The following AFG2A variants were observed in gnomAD, a reference collection of about 807,000 sequenced individuals.
AFG2A encodes ATPase family gene 2 protein homolog A.
At chr4:123,103,864 A>C in the AFG2A span, among the ~76,000 whole-genome samples, 1 of 152,180 alleles carries the variant, frequency 6.6e-6, no homozygotes. Flanking sequence ...TTTCAAAAGC[A>C]TTATGCTAAG....
chr4:122,950,386 C>A, the AFG2A span, among the ~76,000 whole-genome samples: 1,829 of 149,976 alleles, frequency 0.012, 42 homozygotes, highest in African/African-American at 0.042. Flanking sequence ...GTTGCCCAGA[C>A]TGGAGCGCAA....
At chr4:122,993,957 T>TA in the AFG2A span, among the ~76,000 whole-genome samples, 1 of 152,124 alleles carries the variant, frequency 6.6e-6, no homozygotes, top group Non-Finnish European at 1.5e-5. Flanking sequence ...TTTATATCCT[T>TA]AGTACTTAGC....
the AFG2A span, among the ~76,000 whole-genome samples, chr4:123,154,986 T>TCCCTC: frequency 6.6e-6 from 1 of 152,134 alleles, no homozygotes. Flanking sequence ...CCTCTTTTCT[T>TCCCTC]CCCTCCCTCT....
chr4:123,067,498 C>G, the AFG2A span, among the ~76,000 whole-genome samples: 1 of 151,526 alleles, frequency 6.6e-6, no homozygotes, highest in Non-Finnish European at 1.5e-5. Flanking sequence ...GCCTGGGCAA[C>G]GGGGCGAGAC....
chr4:123,026,765 G>A, the AFG2A span, among the ~76,000 whole-genome samples: 1 of 152,104 alleles, frequency 6.6e-6, no homozygotes, highest in Non-Finnish European at 1.5e-5. Flanking sequence ...AAGAAATTAA[G>A]GATAGAGAAT....
At chr4:123,303,395 T>A in the AFG2A span, among the ~76,000 whole-genome samples, 1 of 152,150 alleles carries the variant, frequency 6.6e-6, no homozygotes, top group Non-Finnish European at 1.5e-5. Flanking sequence ...AAGGAAAAAC[T>A]AGGCTTCACC....
At chr4:123,232,122 A>C in the AFG2A span, among the ~76,000 whole-genome samples, 21 of 152,136 alleles carry the variant, frequency 1.4e-4, 1 homozygote, top group South Asian at 4.1e-3. Context: ...AATTTACAAT[A>C]TAATACATTG....
the AFG2A span, among the ~76,000 whole-genome samples, chr4:123,301,121 A>G: frequency 6.6e-6 from 1 of 152,144 alleles, no homozygotes; most frequent in African/African-American, 2.4e-5. Flanking sequence ...GACTATAATG[A>G]AAGTTTTGAA....
At chr4:123,046,639 G>C in the AFG2A span, among the ~76,000 whole-genome samples, 1 of 152,082 alleles carries the variant, frequency 6.6e-6, no homozygotes, top group South Asian at 2.1e-4. Context: ...TCTTGGTTTC[G>C]GGAACATTAC....
At chr4:123,220,132 G>A in the AFG2A span, among the ~76,000 whole-genome samples, 1 of 152,060 alleles carries the variant, frequency 6.6e-6, no homozygotes, top group African/African-American at 2.4e-5. Flanking sequence ...GCCTCCCAAG[G>A]TGCTGGGATT....
the AFG2A span, among the ~76,000 whole-genome samples, chr4:123,214,706 A>G: frequency 6.6e-6 from 1 of 152,070 alleles, no homozygotes; most frequent in Non-Finnish European, 1.5e-5. Context: ...AAACCTACAC[A>G]CACAAACACT....
chr4:122,957,814 C>A, the AFG2A span, among the ~76,000 whole-genome samples: 2 of 152,024 alleles, frequency 1.3e-5, no homozygotes, highest in Non-Finnish European at 2.9e-5. Flanking sequence ...CTTAGAATTA[C>A]CCAGAAAGTT....
the AFG2A span, among the ~76,000 whole-genome samples, chr4:123,155,688 G>A: frequency 6.6e-6 from 1 of 152,104 alleles, no homozygotes; most frequent in Non-Finnish European, 1.5e-5. Flanking sequence ...ATGATTTAAA[G>A]TATACAAGAG....
chr4:123,253,245 G>A, the AFG2A span, among the ~76,000 whole-genome samples: 1 of 152,180 alleles, frequency 6.6e-6, no homozygotes, highest in Non-Finnish European at 1.5e-5. Flanking sequence ...CACTTTGGGA[G>A]GCCGTGGCAG....
the AFG2A span, among the ~76,000 whole-genome samples, chr4:122,938,614 T>A: frequency 1.3e-5 from 2 of 152,154 alleles, no homozygotes; most frequent in Non-Finnish European, 2.9e-5. Flanking sequence ...TTTTTGAGAT[T>A]GAGTCTTGCC....
chr4:123,085,872 T>C, the AFG2A span, among the ~76,000 whole-genome samples: 1 of 152,100 alleles, frequency 6.6e-6, no homozygotes, highest in African/African-American at 2.4e-5. Context: ...TTTTTTTGTT[T>C]GTTTGTTTTT....
the AFG2A span, among the ~76,000 whole-genome samples, chr4:123,298,663 A>G: frequency 6.6e-6 from 1 of 152,200 alleles, no homozygotes; most frequent in African/African-American, 2.4e-5. Context: ...GGTCATGTTT[A>G]TTACAGCATG....
At chr4:122,990,795 C>A in the AFG2A span, among the ~76,000 whole-genome samples, 32 of 152,144 alleles carry the variant, frequency 2.1e-4, no homozygotes, top group Non-Finnish European at 4.3e-4. Flanking sequence ...TGCTTTGTTG[C>A]GCAGACTGGT....
chr4:123,210,498 T>G, the AFG2A span, among the ~76,000 whole-genome samples: 1 of 152,214 alleles, frequency 6.6e-6, no homozygotes, highest in Non-Finnish European at 1.5e-5. Context: ...GGGTCATCCA[T>G]GTTGTCAAAA....
Sources: gnomAD v4.1 joint callset for allele counts (sites outside exome capture counted in the v4.1 genomes callset) on GRCh38, gnomAD v4.1.1 for gene constraint, MANE v1.5 for transcripts, NCBI Gene and HGNC (gene_info 2026-07-23, HGNC 2026-07-21) for gene names.